Variants in PLEKHG4B observed in about 807,000 individuals in gnomAD.
PLEKHG4B encodes pleckstrin homology and RhoGEF domain containing G4B.
PLEKHG4B carries 111 observed loss-of-function variants against 121.3 expected under a neutral mutation model. The ratio of observed to expected loss-of-function variants is 0.92; its 90% CI spans 0.78 to 1.07. PLEKHG4B has a LOEUF of 1.07. Ranked by LOEUF, PLEKHG4B falls within the 50% of genes least tolerant of loss-of-function variation. The pLI is 0.00. For synonymous variants in PLEKHG4B, 738 were observed against 725.0 expected (o/e 1.02, Z -0.29); for missense variants, 1,831 against 1,757.8 (o/e 1.04, Z -0.74).
Position 162,791 on chromosome 5 carries a change from A to T in PLEKHG4B, c.2719A>T (p.Ser907Cys), listed in dbSNP as rs1443980550. 8.7e-6 allele frequency: 13 copies of T among 1,488,834 alleles called. No homozygotes were observed. Among genetic ancestry groups the T allele is most frequent in the Admixed American group, 2.5e-5 (1 of 40,586 alleles). 92.2% of individuals were successfully genotyped at this position (1,488,834 alleles called of 1,614,324 possible). Residue 907 changes from serine (S) to cysteine (C), a missense_variant, in exon 13 of 20, where the codon AGC (serine) becomes TGC (cysteine). Physicochemically the swap from Ser to Cys is moderately radical, Grantham distance 112 (BLOSUM62 -1). Transcript: ENST00000637938. ...PSSPVAECLRSCHQEATSVAA... is the reference protein window; with the variant it reads ...PSSPVAECLRCCHQEATSVAA... The stretch of plus-strand genomic sequence containing the variant: ...CTCACCCGTGGCTGAGTGTTTGAGG[A>T]GCTGTCACCAGGAGGCTACCTCGGT...
chr5:171,522 A>G (rs1197621610), intron 16 of PLEKHG4B, 78 bp downstream of exon 16: 1 of 1,361,402 alleles, frequency 7.3e-7, no homozygotes, highest in Non-Finnish European at 9.9e-7. Context: ...TGGCCCCAGC[A>G]GCACACTTTT....
At chr5:115,201 A>C (rs1439159256) in intron 2 of PLEKHG4B, among the ~76,000 whole-genome samples, 4 of 152,238 alleles carry the variant, frequency 2.6e-5, no homozygotes, top group Non-Finnish European at 4.4e-5. Context: ...GTACATCTTC[A>C]TCAGAGCTCT....
intron 1 of PLEKHG4B, among the ~76,000 whole-genome samples, chr5:108,689 C>T (rs2126348509): frequency 7.5e-6 from 1 of 133,490 alleles, no homozygotes; most frequent in East Asian, 2.0e-4. Flanking sequence ...CTGGTGTAGA[C>T]TGAGTGCAGA....
At chr5:138,118 C>A (rs1159111974) in intron 2 of PLEKHG4B, among the ~76,000 whole-genome samples, 1 of 152,228 alleles carries the variant, frequency 6.6e-6, no homozygotes, top group African/African-American at 2.4e-5. Flanking sequence ...CTTGGATTTG[C>A]CAGTGGCCCA....
At chr5:141,325 G>A (rs903588809) in intron 3 of PLEKHG4B, among the ~76,000 whole-genome samples, 4 of 137,524 alleles carry the variant, frequency 2.9e-5, no homozygotes, top group South Asian at 2.5e-4. Context: ...TGGCGCTCAC[G>A]TTCTGGAGAC....
At chr5:174,682 GCA>G (rs1360859990) in intron 18 of PLEKHG4B, among the ~76,000 whole-genome samples, 1 of 152,128 alleles carries the variant, frequency 6.6e-6, no homozygotes, top group Non-Finnish European at 1.5e-5. Context: ...CAGGGTTGGT[GCA>G]CAGTTATAGC....
chr5:105,402 G>A (rs754852254), intron 1 of PLEKHG4B, among the ~76,000 whole-genome samples: 17 of 152,236 alleles, frequency 1.1e-4, no homozygotes, highest in Non-Finnish European at 1.2e-4. Flanking sequence ...GGAATCTGAA[G>A]GTGTTTGAAA....
At chr5:133,972 G>A (rs1285423936) in intron 2 of PLEKHG4B, among the ~76,000 whole-genome samples, 1 of 146,482 alleles carries the variant, frequency 6.8e-6, no homozygotes, top group Non-Finnish European at 1.5e-5. Context: ...ATATATATGA[G>A]ATGGACTATA....
Position 170,935 on chromosome 5 carries a change from T to G in PLEKHG4B, c.3730-108T>G. The G allele has an allele frequency of 3.7e-6, 3 of 805,378 alleles. No homozygotes were observed. The South Asian group carries it at 5.0e-5, about 14-fold the overall frequency. The allele number at this position is 805,378 out of a possible 1,614,324, so 49.9% of individuals were successfully genotyped here. A position where few individuals can be genotyped will look rare whatever the true frequency, so the allele number is the denominator to read the frequency against. On this transcript the variant is annotated intron_variant, in intron 14 of 19. Transcript: ENST00000637938. ...ACCTGATCATGGTACAAACTGCACC[T>G]GGGGGGTCTTGGGACGGGAGCAGTT...
chr5:108,804 G>A lies in PLEKHG4B; in HGVS notation c.46-4447G>A, dbSNP rs144220468. 5.9e-5 allele frequency among the ~76,000 whole-genome samples: 9 copies of A among 152,316 alleles called. No homozygotes were observed. In the East Asian group the frequency reaches 1.5e-3, roughly 26 times the overall value. On this transcript the variant is annotated intron_variant, in intron 1 of 19. Coordinates refer to ENST00000637938, the MANE Select transcript of PLEKHG4B (RefSeq NM_052909.5). ...TGCAGATGGCTGGTGTAGACAGACCGACCTGCACACCAAGCCCTGTTTGGG... is the reference window on the plus strand; with the variant it reads ...TGCAGATGGCTGGTGTAGACAGACCAACCTGCACACCAAGCCCTGTTTGGG...
At position 174,098 on chromosome 5, in the gene PLEKHG4B, GGT is replaced by G. The variant is rs1329486431; in HGVS notation, c.4402+2_4402+3del. 1 of 1,572,038 alleles carries G rather than the reference GGT, an allele frequency of 6.4e-7. No individual in the cohort carries two copies. Among genetic ancestry groups the G allele is most frequent in the Admixed American group, 1.9e-5 (1 of 52,264 alleles). ...GTGGCGGCAGGCACTAAAGAGCAGAGGTGGGAAGATGGGGGCCGCAGGGCCTG... is the reference window on the plus strand; with the variant it reads ...GTGGCGGCAGGCACTAAAGAGCAGAGGGGAAGATGGGGGCCGCAGGGCCTG... On this transcript the variant is annotated splice_donor_variant, in intron 18 of 19. Coordinates refer to ENST00000637938, the MANE Select transcript of PLEKHG4B (RefSeq NM_052909.5). LOFTEE classifies it high-confidence loss of function.
intron 2 of PLEKHG4B, among the ~76,000 whole-genome samples, chr5:117,867 G>A (rs925615463): frequency 1.3e-5 from 2 of 151,978 alleles, no homozygotes; most frequent in Non-Finnish European, 2.9e-5. Flanking sequence ...AACAAAAAAC[G>A]TTTAGGGAAA....
chr5:99,934 G>C (rs952219350), intron 1 of PLEKHG4B, among the ~76,000 whole-genome samples: 3 of 152,072 alleles, frequency 2.0e-5, no homozygotes, highest in East Asian at 1.9e-4. Context: ...ATCATGAAAG[G>C]GTGTTGGAGT....
intron 3 of PLEKHG4B, among the ~76,000 whole-genome samples, chr5:141,885 G>T (rs1207829983): frequency 6.6e-6 from 1 of 152,128 alleles, no homozygotes; most frequent in East Asian, 1.9e-4. Flanking sequence ...CCCCCGCGGT[G>T]CCTGGAGACA....
chr5:170,442 A>G (rs953236900), intron 14 of PLEKHG4B, among the ~76,000 whole-genome samples: 12 of 152,002 alleles, frequency 7.9e-5, no homozygotes, highest in African/African-American at 2.9e-4. Context: ...AGCTGGGACT[A>G]CAGGCGCCGC....
chr5:145,856 C>T (rs1397566791), intron 6 of PLEKHG4B, among the ~76,000 whole-genome samples: 3 of 152,022 alleles, frequency 2.0e-5, no homozygotes, highest in African/African-American at 2.4e-5. Context: ...CTGCACTCCA[C>T]GAAGCTAAAC....
chr5:143,418 C>A lies in PLEKHG4B; in HGVS notation c.1726C>A (p.Arg576Ser), dbSNP rs149661863. The change falls in exon 5 of 20, where the codon CGC (arginine) becomes AGC (serine). Residue 576 changes from arginine to serine, a missense_variant. Coordinates refer to ENST00000637938, the MANE Select transcript of PLEKHG4B (RefSeq NM_052909.5). Reference protein sequence around the residue: ...DRHGRAVVQVRTRSLLWTREH... With the variant: ...DRHGRAVVQVSTRSLLWTREH... ...TCATGGCAGAGCAGTGGTGCAGGTC[C>A]GCACCAGGAGCCTGCTCTGGACCAG... is the stretch of plus-strand genomic sequence containing the variant. 6.2e-7 allele frequency: 1 copy of A among 1,612,752 alleles called. No individual in the cohort carries two copies. The highest frequency in any genetic ancestry group is 1.7e-5 in the Admixed American group (1 of 60,012).
intron 2 of PLEKHG4B, among the ~76,000 whole-genome samples, chr5:119,305 C>T (rs559255423): frequency 1.3e-5 from 2 of 152,156 alleles, no homozygotes; most frequent in East Asian, 3.9e-4. Flanking sequence ...ATGTTTTTAC[C>T]CATTTATGTT....
intron 7 of PLEKHG4B, among the ~76,000 whole-genome samples, chr5:154,195 G>A (rs1050503146): frequency 9.2e-5 from 14 of 151,944 alleles, no homozygotes; most frequent in Non-Finnish European, 2.1e-4. Flanking sequence ...TAGTAGAGAC[G>A]GGGTTTTACC....
Sources: gnomAD v4.1 joint callset for allele counts (sites outside exome capture counted in the v4.1 genomes callset) on GRCh38, gnomAD v4.1.1 for gene constraint, MANE v1.5 for transcripts, NCBI Gene and HGNC (gene_info 2026-07-23, HGNC 2026-07-21) for gene names.